Variants in PER3 observed in about 807,000 individuals in gnomAD.
The protein encoded by PER3 is period circadian regulator 3, also known as period circadian protein homolog 3.
Under a neutral mutation model 127.2 loss-of-function variants are expected in PER3, and 107 were observed. The observed-to-expected ratio is 0.84, with a 90% CI of 0.72 to 0.99. The LOEUF is 0.99. PER3 is among the 50% of genes least tolerant of loss of function. The probability of loss-of-function intolerance (pLI) is 0.00; values close to 1 mark genes in which losing one functional copy is unlikely to be tolerated. For missense variants in PER3, 1,560 were observed against 1,525.8 expected, an observed-to-expected ratio of 1.02 and a Z score of -0.37; for synonymous variants, 618 against 585.8, an observed-to-expected ratio of 1.05 and a Z score of -0.79.
chr1:7,839,280 C>T lies in PER3; in HGVS notation c.3549+2131C>T, dbSNP rs549443873. ...GAAGTTATGAAATTAGGTTTTTATA[C>T]GTTGTGTTTCCAAAAACATAATTAT... On this transcript the variant is annotated intron_variant, in intron 21 of 21. Transcript: ENST00000377532. 1.2e-4 allele frequency among the ~76,000 whole-genome samples: 19 copies of T among 152,166 alleles called. No individual in the cohort carries two copies. In the South Asian group the frequency reaches 1.9e-3, roughly 15 times the overall value.
intron 21 of PER3, among the ~76,000 whole-genome samples, chr1:7,841,254 G>T (rs1363782751): frequency 1.3e-5 from 2 of 151,884 alleles, no homozygotes; most frequent in Non-Finnish European, 2.9e-5. Context: ...ACAAGCTGGG[G>T]CTGTACTTTG....
At chr1:7,797,559 C>G (rs2150601681) in intron 6 of PER3, among the ~76,000 whole-genome samples, 1 of 151,988 alleles carries the variant, frequency 6.6e-6, no homozygotes, top group South Asian at 2.1e-4. Context: ...CAGCTTGCAC[C>G]CAGGAGGTGG....
In PER3 at chr1:7,824,165, G is replaced by A. The variant is rs529908475; in HGVS notation, c.1958-2315G>A. On this transcript the variant is annotated intron_variant, in intron 16 of 21. Transcript: ENST00000377532. ...GAAGATAAATAGCTTTAAAAATGCC[G>A]TTAGAGAAGAAATGTCTCAAATCAA... Among the ~76,000 whole-genome samples, 116 of 152,274 alleles carry A rather than the reference G, an allele frequency of 7.6e-4. 2 individuals are homozygous for A. Among genetic ancestry groups the A allele is most frequent in the African/African-American group, 2.4e-3 (99 of 41,568 alleles).
At chr1:7,813,423 G>A (rs1369332286) in intron 13 of PER3, among the ~76,000 whole-genome samples, 2 of 152,184 alleles carry the variant, frequency 1.3e-5, no homozygotes, top group African/African-American at 4.8e-5. Context: ...CAGCCAGCAG[G>A]CCTAAAATCT....
At chr1:7,803,303 A>G in intron 9 of PER3, 150 bp downstream of exon 9, 2 of 659,728 alleles carry the variant, frequency 3.0e-6, no homozygotes, top group South Asian at 3.4e-5. Context: ...AACATACTAA[A>G]ACAGGCCAGG....
Position 7,844,069 on chromosome 1 carries a change from GTT to G in PER3, c.*1319_*1320del. 1 of 765,404 alleles carries G rather than the reference GTT, an allele frequency of 1.3e-6. No individual in the cohort carries two copies. Among genetic ancestry groups the G allele is most frequent in the Non-Finnish European group, 1.7e-6 (1 of 593,680 alleles). The allele number at this position is 765,404 out of a possible 1,614,324, so 47.4% of individuals were successfully genotyped here. ...CTTTTTTTGTTTTTGGTTTTTTATG[GTT>G]TTTTAAGGAAAATACTTTTCTCCTT... On this transcript the variant is annotated 3_prime_UTR_variant, in exon 22 of 22. Coordinates refer to ENST00000377532, the MANE Select transcript of PER3 (RefSeq NM_001377275.1).
intron 14 of PER3, among the ~76,000 whole-genome samples, chr1:7,819,843 T>C (rs1370909492): frequency 1.3e-5 from 2 of 151,916 alleles, no homozygotes; most frequent in Non-Finnish European, 2.9e-5. Flanking sequence ...GTGTATTTTA[T>C]GTGTGGCCTA....
At chr1:7,841,936 A>G (rs1209357910) in intron 21 of PER3, among the ~76,000 whole-genome samples, 1 of 152,172 alleles carries the variant, frequency 6.6e-6, no homozygotes, top group Non-Finnish European at 1.5e-5. Context: ...GTGTACTCAT[A>G]CAAACCTCAG....
chr1:7,836,780 C>T, intron 20 of PER3: 8 of 401,320 alleles, frequency 2.0e-5, no homozygotes, highest in East Asian at 7.7e-5. Flanking sequence ...CTCTTTCTTC[C>T]ATACACCTCA....
chr1:7,825,640 C>T (rs1018891435), intron 16 of PER3, among the ~76,000 whole-genome samples: 16 of 152,220 alleles, frequency 1.1e-4, no homozygotes, highest in Admixed American at 2.6e-4. Flanking sequence ...GCCTATAATC[C>T]CAGCGCTTTG....
chr1:7,834,820 TA>T (rs577895907), intron 19 of PER3, among the ~76,000 whole-genome samples: 1 of 151,670 alleles, frequency 6.6e-6, no homozygotes, highest in Non-Finnish European at 1.5e-5. Flanking sequence ...CTTAGTTTTT[TA>T]AAAAAAATTA....
At chr1:7,788,423 C>T in intron 5 of PER3, 177 bp downstream of exon 5, 1 of 591,586 alleles carries the variant, frequency 1.7e-6, no homozygotes, top group East Asian at 2.8e-5. Flanking sequence ...TGATAACATA[C>T]TCAATACGTT....
intron 5 of PER3, among the ~76,000 whole-genome samples, chr1:7,792,518 T>C (rs1039913245): frequency 5.9e-5 from 9 of 152,246 alleles, no homozygotes; most frequent in Non-Finnish European, 8.8e-5. Context: ...TAAGGCACGA[T>C]ATAATTCTAG....
At chr1:7,830,229 C>A (rs2097324881) in intron 19 of PER3, 68 bp downstream of exon 19, 3 of 1,375,658 alleles carry the variant, frequency 2.2e-6, no homozygotes, top group African/African-American at 1.4e-5. Flanking sequence ...TGAGCTCTCA[C>A]TGTGTGCCCC....
chr1:7,801,765 T>G (rs1397838466), intron 8 of PER3, among the ~76,000 whole-genome samples: 1 of 152,200 alleles, frequency 6.6e-6, no homozygotes, highest in Non-Finnish European at 1.5e-5. Flanking sequence ...CTTAATGCTG[T>G]TTTTTAGTAT....
intron 18 of PER3, among the ~76,000 whole-genome samples, chr1:7,828,231 C>T (rs769435224): frequency 2.0e-5 from 3 of 152,198 alleles, no homozygotes; most frequent in Non-Finnish European, 4.4e-5. Flanking sequence ...GATTGTACTT[C>T]TTCATGCACA....
At chr1:7,838,612 C>G (rs1309566168) in intron 21 of PER3, among the ~76,000 whole-genome samples, 1 of 152,102 alleles carries the variant, frequency 6.6e-6, no homozygotes, top group Non-Finnish European at 1.5e-5. Context: ...GTTGGCCAGG[C>G]TGGTCTCAAA....
intron 5 of PER3, among the ~76,000 whole-genome samples, chr1:7,793,239 T>C (rs890355833): frequency 1.3e-5 from 2 of 152,210 alleles, no homozygotes; most frequent in Non-Finnish European, 2.9e-5. Flanking sequence ...GAAATACATA[T>C]AGTCAACAAA....
intron 13 of PER3, among the ~76,000 whole-genome samples, chr1:7,812,624 C>CAAGAAAAAAAA (rs2097224619): frequency 1.2e-5 from 1 of 85,390 alleles, no homozygotes; most frequent in Non-Finnish European, 2.1e-5. Flanking sequence ...GACTCCGTCT[C>CAAGAAAAAAAA]AAAAAAAAAA....
Sources: allele counts gnomAD v4.1 joint callset (sites outside exome capture counted in the v4.1 genomes callset), GRCh38; gene constraint gnomAD v4.1.1; transcripts MANE v1.5; gene names NCBI Gene and HGNC (gene_info 2026-07-23, HGNC 2026-07-21).